SSPN: variants seen among roughly 807,000 people sequenced by gnomAD.
SSPN encodes K-ras oncogene-associated protein.
Under a neutral mutation model 19.1 loss-of-function variants are expected in SSPN, and 15 were observed. That is an observed-to-expected ratio of 0.78 (90% CI 0.52 to 1.21). SSPN has a LOEUF of 1.21. Ranked by LOEUF, SSPN falls within the 50% of genes most tolerant of loss-of-function variation. The pLI, the probability that SSPN is intolerant of heterozygous loss-of-function variation, is 0.00. For synonymous variants in SSPN, 147 were observed against 140.3 expected (o/e 1.05, Z -0.34); for missense variants, 291 against 314.0 (o/e 0.93, Z 0.55).
intron 1 of SSPN, among the ~76,000 whole-genome samples, chr12:26,165,447 T>G (rs1362171186): frequency 6.6e-6 from 1 of 152,230 alleles, no homozygotes; most frequent in Non-Finnish European, 1.5e-5. Context: ...TTGAATATTT[T>G]CGATTTTGCA....
intron 1 of SSPN, among the ~76,000 whole-genome samples, chr12:26,151,419 G>C (rs550282239): frequency 7.2e-5 from 11 of 151,942 alleles, no homozygotes; most frequent in Admixed American, 4.6e-4. Flanking sequence ...TTTTTCTCTT[G>C]CTGTTACCCA....
chr12:26,209,665 G>A (rs2137477190), intron 1 of SSPN, among the ~76,000 whole-genome samples: 1 of 151,888 alleles, frequency 6.6e-6, no homozygotes, highest in African/African-American at 2.4e-5. Context: ...CATATCCCTG[G>A]TGCTTTAAAA....
chr12:26,157,900 T>TC (rs1242851371), intron 1 of SSPN, among the ~76,000 whole-genome samples: 5 of 152,166 alleles, frequency 3.3e-5, no homozygotes, highest in African/African-American at 7.2e-5. Flanking sequence ...CTTTTAACAT[T>TC]TTATTTAGGA....
At chr12:26,145,268 T>C (rs1468997802) in intron 1 of SSPN, among the ~76,000 whole-genome samples, 2 of 152,206 alleles carry the variant, frequency 1.3e-5, no homozygotes, top group East Asian at 1.9e-4. Context: ...TCTTCACCAC[T>C]TTGTAACCAG....
exon 1 of SSPN, chr12:26,122,047 T>C (rs909175326): frequency 1.9e-6 from 3 of 1,549,130 alleles, no homozygotes; most frequent in Non-Finnish European, 2.6e-6. Context: ...TGAACCTCCG[T>C]CCTTCGGGAC....
At chr12:26,136,283 C>A (rs769161802) in intron 1 of SSPN, among the ~76,000 whole-genome samples, 44 of 152,250 alleles carry the variant, frequency 2.9e-4, no homozygotes, top group Non-Finnish European at 2.1e-4. Flanking sequence ...GTCCTGGTAC[C>A]AATACCCTGC....
chr12:26,222,993 A>G (rs565511461), intron 1 of SSPN, among the ~76,000 whole-genome samples: 2 of 152,264 alleles, frequency 1.3e-5, no homozygotes, highest in East Asian at 1.9e-4. Context: ...GCATGCTACT[A>G]TCTGAGCTCT....
chr12:26,148,445 T>C (rs2137413070), intron 1 of SSPN, among the ~76,000 whole-genome samples: 1 of 152,306 alleles, frequency 6.6e-6, no homozygotes, highest in East Asian at 1.9e-4. Flanking sequence ...ATTTTTGAGA[T>C]AAAGATGAAC....
intron 1 of SSPN, among the ~76,000 whole-genome samples, chr12:26,137,969 T>C (rs983082462): frequency 2.6e-5 from 4 of 152,004 alleles, no homozygotes; most frequent in African/African-American, 9.7e-5. Context: ...TCTGGCCTAC[T>C]ATGTTGAATA....
chr12:26,229,915 A>G (rs563916291), intron 2 of SSPN, among the ~76,000 whole-genome samples: 85 of 152,360 alleles, frequency 5.6e-4, no homozygotes, highest in Non-Finnish European at 9.8e-4. Context: ...AAATCCCTAA[A>G]TTGTTCAGAG....
At chr12:26,185,135 A>G (rs1404986757) in intron 1 of SSPN, among the ~76,000 whole-genome samples, 4 of 152,220 alleles carry the variant, frequency 2.6e-5, no homozygotes, top group Admixed American at 2.6e-4. Context: ...TACTGAAAAA[A>G]ATACTCCTCT....
chr12:26,195,641 G>GCTGGGCCC lies in SSPN; in HGVS notation c.-31_-30insTGGGCCCC. 2.7e-6 allele frequency: 3 copies of GCTGGGCCC among 1,105,398 alleles called. No homozygotes were observed. The highest frequency in any genetic ancestry group is 2.3e-6 in the Non-Finnish European group (2 of 878,120). 68.5% of individuals were successfully genotyped at this position (1,105,398 alleles called of 1,614,324 possible). ...CTCCAGGGCCCAGGGCGCCGCACAC[G>GCTGGGCCC]CACCCACCCACCCACCCAGCCTCGC... On this transcript the variant is annotated 5_prime_UTR_variant, in exon 1 of 3. Transcript: ENST00000242729.
intron 1 of SSPN, chr12:26,211,565 G>T (rs949140649): frequency 3.9e-5 from 6 of 152,202 alleles, no homozygotes; most frequent in Non-Finnish European, 7.3e-5. Context: ...ATCAAAGAAA[G>T]CACACTATAT....
At chr12:26,194,082 G>T (rs890410231), upstream of SSPN, among the ~76,000 whole-genome samples, 1 of 152,120 alleles carries the variant, frequency 6.6e-6, no homozygotes, top group Non-Finnish European at 1.5e-5. Flanking sequence ...ACTTATTTTT[G>T]AATATAGCTT....
chr12:26,231,078 A>G lies in SSPN; in HGVS notation c.*2A>G, dbSNP rs1384860041. On this transcript the variant is annotated 3_prime_UTR_variant, in exon 3 of 3. Coordinates refer to ENST00000242729, the MANE Select transcript of SSPN (RefSeq NM_005086.5). The stretch of plus-strand genomic sequence containing the variant: ...GAAGGCCCCCAGCAAAAGATCTAAC[A>G]TTCTTGCTCAAAGTTGCGAGAGAAA... 3.1e-6 allele frequency: 5 copies of G among 1,606,660 alleles called. No homozygotes were observed. In the African/African-American group the frequency reaches 5.4e-5, roughly 17 times the overall value.
intron 2 of SSPN, among the ~76,000 whole-genome samples, chr12:26,224,924 G>A (rs1945161818): frequency 6.6e-6 from 1 of 152,084 alleles, no homozygotes; most frequent in Non-Finnish European, 1.5e-5. Context: ...TAGGGACAGT[G>A]CATTTGGCTG....
chr12:26,228,373 C>CA (rs35945808), intron 2 of SSPN, among the ~76,000 whole-genome samples: 32,891 of 115,308 alleles, frequency 0.29, 4,060 homozygotes, highest in East Asian at 0.55. Context: ...CACTCTGTCT[C>CA]AAAAAAAAAA....
intron 1 of SSPN, among the ~76,000 whole-genome samples, chr12:26,200,646 A>G (rs762695689): frequency 9.9e-5 from 15 of 152,216 alleles, no homozygotes; most frequent in Non-Finnish European, 1.9e-4. Flanking sequence ...TAAACCCTCA[A>G]GTCAAGAAGC....
At chr12:26,122,297 G>GGCA in intron 1 of SSPN, 2 of 1,182,500 alleles carry the variant, frequency 1.7e-6, no homozygotes, top group South Asian at 4.2e-5. Flanking sequence ...CGGCGGCGGC[G>GGCA]GCAGCGGCGG....
Sources: gnomAD v4.1 joint callset for allele counts (sites outside exome capture counted in the v4.1 genomes callset) on GRCh38, gnomAD v4.1.1 for gene constraint, MANE v1.5 for transcripts, NCBI Gene and HGNC (gene_info 2026-07-23, HGNC 2026-07-21) for gene names.